TENM3: variants seen among roughly 807,000 people sequenced by gnomAD.
TENM3 encodes the protein teneurin-3.
A neutral mutation model predicts 255.1 loss-of-function variants in TENM3; 63 were observed. The ratio of observed to expected loss-of-function variants is 0.25; its 90% confidence interval spans 0.20 to 0.30. The LOEUF (loss-of-function observed/expected upper bound fraction) is 0.30, where lower values mean the gene tolerates loss of function less well. TENM3 is among the 10% of genes least tolerant of loss of function. TENM3 has a pLI of 1.00. For synonymous variants in TENM3, 1,306 were observed against 1,322.3 expected (o/e 0.99, Z 0.27); for missense variants, 2,929 against 3,461.1 (o/e 0.85, Z 3.86).
the TENM3 span, among the ~76,000 whole-genome samples, chr4:181,505,749 T>C: frequency 6.6e-6 from 1 of 152,170 alleles, no homozygotes; most frequent in Non-Finnish European, 1.5e-5. Context: ...TTGCAAAAGA[T>C]TATAGCAGAA....
chr4:182,177,832 T>C (rs940232553), intron 1 of TENM3, among the ~76,000 whole-genome samples: 1 of 152,040 alleles, frequency 6.6e-6, no homozygotes, highest in Non-Finnish European at 1.5e-5. Context: ...CCTGCTCTTA[T>C]TGAAAGTTTT....
At chr4:181,633,303 CTG>C in the TENM3 span, among the ~76,000 whole-genome samples, 12 of 152,238 alleles carry the variant, frequency 7.9e-5, no homozygotes, top group African/African-American at 2.9e-4. Flanking sequence ...CTTATGTAGT[CTG>C]TGGTTGAAAG....
At chr4:182,487,475 G>A (rs926354898) in intron 3 of TENM3, among the ~76,000 whole-genome samples, 9 of 151,908 alleles carry the variant, frequency 5.9e-5, no homozygotes, top group Admixed American at 1.3e-4. Context: ...TGGTTAGGGC[G>A]GTAGAATTAA....
the TENM3 span, among the ~76,000 whole-genome samples, chr4:181,888,505 TA>T: frequency 3.5e-5 from 1 of 28,738 alleles, no homozygotes; most frequent in African/African-American, 1.5e-4. Flanking sequence ...TATATATATA[TA>T]TATATATATG....
chr4:181,767,352 A>C, the TENM3 span, among the ~76,000 whole-genome samples: 2 of 152,128 alleles, frequency 1.3e-5, no homozygotes. Flanking sequence ...CCATCTCAGA[A>C]ATAAGAAATA....
the TENM3 span, among the ~76,000 whole-genome samples, chr4:181,490,515 G>A: frequency 6.6e-6 from 1 of 152,208 alleles, no homozygotes; most frequent in African/African-American, 2.4e-5. Flanking sequence ...ATAAAGCATG[G>A]CATTCCATTC....
chr4:181,804,871 C>T, the TENM3 span, among the ~76,000 whole-genome samples: 1 of 152,076 alleles, frequency 6.6e-6, no homozygotes, highest in Admixed American at 6.5e-5. Context: ...GAGGTCAGAC[C>T]ATATGCCTAT....
At chr4:181,711,849 G>A in the TENM3 span, among the ~76,000 whole-genome samples, 1 of 152,166 alleles carries the variant, frequency 6.6e-6, no homozygotes, top group South Asian at 2.1e-4. Flanking sequence ...TGTGCAGGAT[G>A]GGTGGGTAAT....
the TENM3 span, among the ~76,000 whole-genome samples, chr4:181,927,432 C>T: frequency 3.3e-5 from 5 of 152,338 alleles, no homozygotes; most frequent in Admixed American, 6.5e-5. Context: ...CGGAGCCCAC[C>T]GCAGCTCAGC....
intron 22 of TENM3, among the ~76,000 whole-genome samples, chr4:182,757,311 C>CAA (rs10571604): frequency 0.067 from 3,613 of 53,616 alleles, 383 homozygotes; most frequent in South Asian, 0.1. Flanking sequence ...GACTCCGTCT[C>CAA]AAAAAAAAAA....
At chr4:182,054,817 A>T in the TENM3 span, among the ~76,000 whole-genome samples, 64 of 152,270 alleles carry the variant, frequency 4.2e-4, no homozygotes, top group African/African-American at 1.5e-3. Context: ...TTTTAATTAA[A>T]AAAAAGAATA....
the TENM3 span, among the ~76,000 whole-genome samples, chr4:181,695,144 T>C: frequency 6.6e-6 from 1 of 152,228 alleles, no homozygotes; most frequent in Non-Finnish European, 1.5e-5. Context: ...TATTAATATT[T>C]GCCTAACAAA....
the TENM3 span, among the ~76,000 whole-genome samples, chr4:181,615,634 G>A: frequency 6.6e-6 from 1 of 152,156 alleles, no homozygotes; most frequent in Non-Finnish European, 1.5e-5. Context: ...AATGCATTAT[G>A]AGGGCTTTCT....
At chr4:182,326,513 AT>A (rs33917976) in intron 2 of TENM3, among the ~76,000 whole-genome samples, 42,218 of 151,644 alleles carry the variant, frequency 0.28, 5,952 homozygotes, top group East Asian at 0.34. Flanking sequence ...ATTGCAGTCA[AT>A]TTTTTAAGTC....
chr4:181,948,943 C>G, the TENM3 span, among the ~76,000 whole-genome samples: 1 of 152,082 alleles, frequency 6.6e-6, no homozygotes. Flanking sequence ...AGGGGAGGAA[C>G]CATCCTAAAA....
chr4:182,070,066 G>C, the TENM3 span, among the ~76,000 whole-genome samples: 1 of 152,152 alleles, frequency 6.6e-6, no homozygotes, highest in African/African-American at 2.4e-5. Flanking sequence ...ACTGTGTGGA[G>C]ATACAGAGGC....
At chr4:181,595,259 C>T in the TENM3 span, among the ~76,000 whole-genome samples, 7 of 151,790 alleles carry the variant, frequency 4.6e-5, no homozygotes, top group African/African-American at 1.7e-4. Flanking sequence ...GGTGAAACCC[C>T]ATCTGTACTA....
the TENM3 span, among the ~76,000 whole-genome samples, chr4:181,507,883 C>A: frequency 1.4e-4 from 22 of 152,098 alleles, no homozygotes; most frequent in Non-Finnish European, 2.9e-4. Context: ...TTTGGTTACC[C>A]GTGACATCTT....
chr4:181,608,843 C>T, the TENM3 span, among the ~76,000 whole-genome samples: 3 of 152,134 alleles, frequency 2.0e-5, no homozygotes, highest in African/African-American at 7.2e-5. Flanking sequence ...AAAAGCTTAG[C>T]ATCTCTTCAA....
Sources: gnomAD v4.1 joint callset for allele counts (sites outside exome capture counted in the v4.1 genomes callset) on GRCh38, gnomAD v4.1.1 for gene constraint, MANE v1.5 for transcripts, NCBI Gene and HGNC (gene_info 2026-07-23, HGNC 2026-07-21) for gene names.